Variants in NRIP1 observed in about 807,000 individuals in gnomAD.
The protein encoded by NRIP1 is nuclear receptor interacting protein 1.
In NRIP1, 28 loss-of-function variants were observed where a neutral mutation model predicts 75.0. The ratio of observed to expected loss-of-function variants is 0.37; its 90% CI spans 0.28 to 0.51. The LOEUF (loss-of-function observed/expected upper bound fraction) is 0.51, where lower values mean the gene tolerates loss of function less well. NRIP1 is among the 20% of genes least tolerant of loss of function. The pLI is 0.92. For missense variants in NRIP1, 1,435 were observed against 1,343.7 expected (o/e 1.07, Z -1.06); for synonymous variants, 526 against 487.6 (o/e 1.08, Z -1.04).
At chr21:15,041,046 C>A (rs75167231) in intron 2 of NRIP1, among the ~76,000 whole-genome samples, 1 of 152,030 alleles carries the variant, frequency 6.6e-6, no homozygotes, top group East Asian at 1.9e-4. Flanking sequence ...ACCAAAAGAC[C>A]CAAAAAAGTT....
chr21:14,979,849 T>C (rs185757319), intron 3 of NRIP1, among the ~76,000 whole-genome samples: 1 of 151,884 alleles, frequency 6.6e-6, no homozygotes, highest in Admixed American at 6.6e-5. Context: ...TGTGCCTGTA[T>C]ATATATATGC....
chr21:15,055,592 A>T (rs573244743), intron 1 of NRIP1, among the ~76,000 whole-genome samples: 1 of 152,348 alleles, frequency 6.6e-6, no homozygotes, highest in East Asian at 1.9e-4. Flanking sequence ...TTATTATTAT[A>T]GATCCCTTTG....
intron 2 of NRIP1, among the ~76,000 whole-genome samples, chr21:15,025,433 A>T (rs961607180): frequency 1.4e-4 from 21 of 152,212 alleles, no homozygotes; most frequent in African/African-American, 4.8e-4. Flanking sequence ...TGGGCACCAA[A>T]ATAAGTTACA....
intron 3 of NRIP1, among the ~76,000 whole-genome samples, chr21:14,975,425 C>A (rs1397421249): frequency 1.3e-5 from 2 of 151,504 alleles, no homozygotes; most frequent in Non-Finnish European, 1.5e-5. Flanking sequence ...TTTTTACATT[C>A]TTGAAAGATA....
chr21:14,990,228 T>C (rs1305757571), intron 3 of NRIP1, among the ~76,000 whole-genome samples: 3 of 152,136 alleles, frequency 2.0e-5, no homozygotes, highest in Non-Finnish European at 2.9e-5. Flanking sequence ...TCCTCTTACA[T>C]GGTTTATTTT....
chr21:15,040,110 G>A (rs746606299), intron 2 of NRIP1, among the ~76,000 whole-genome samples: 1 of 152,188 alleles, frequency 6.6e-6, no homozygotes. Flanking sequence ...CTAGACACAT[G>A]TGGCTACTGT....
rs11293384 is a variant in NRIP1 at position 14,973,678 on chromosome 21, A to ATTT, written c.-334-5155_-334-5153dup. On this transcript the variant is annotated intron_variant, in intron 3 of 3. Transcript: ENST00000318948. ...TCTTAAGTGAAAATCAGCTCGCATA[A>ATTT]TTTTTTTTTTTTTTTTGAGACAAGT... 1.7e-3 allele frequency among the ~76,000 whole-genome samples: 235 copies of ATTT among 142,120 alleles called. 2 individuals carry two copies. The highest frequency in any genetic ancestry group is 7.2e-3 in the East Asian group (35 of 4,856). The allele number at this position is 142,120 out of a possible 152,430, so 93.2% of individuals were successfully genotyped here.
intron 3 of NRIP1, among the ~76,000 whole-genome samples, chr21:15,012,543 T>A (rs559086240): frequency 5.4e-4 from 72 of 132,428 alleles, no homozygotes; most frequent in Non-Finnish European, 9.4e-4. Context: ...CAACCCCGAC[T>A]GCCGACTTAA....
chr21:15,036,993 C>A (rs764125841), intron 2 of NRIP1, among the ~76,000 whole-genome samples: 6 of 151,898 alleles, frequency 4.0e-5, no homozygotes, highest in Non-Finnish European at 7.4e-5. Context: ...TGATGAACAG[C>A]AAAGAATATT....
intron 2 of NRIP1, among the ~76,000 whole-genome samples, 182 bp downstream of exon 2, chr21:15,043,313 C>T (rs1371638453): frequency 6.6e-6 from 1 of 152,140 alleles, no homozygotes; most frequent in Non-Finnish European, 1.5e-5. Flanking sequence ...TATTCGCTTA[C>T]ACAAAATTTT....
intron 1 of NRIP1, chr21:15,051,759 CT>C (rs953378213): frequency 1.3e-5 from 2 of 152,202 alleles, no homozygotes; most frequent in African/African-American, 4.8e-5. Flanking sequence ...TAAAGGTGTG[CT>C]TTTTTAACCT....
At chr21:15,050,530 C>G in intron 1 of NRIP1, 1 of 339,742 alleles carries the variant, frequency 2.9e-6, no homozygotes, top group South Asian at 2.3e-5. Context: ...AAATGAGCTA[C>G]AATCCAGAAC....
intron 2 of NRIP1, among the ~76,000 whole-genome samples, chr21:15,038,202 C>G (rs1295141460): frequency 1.3e-5 from 2 of 151,928 alleles, no homozygotes; most frequent in African/African-American, 4.8e-5. Context: ...TATAATGTCC[C>G]CTTTGAATGT....
intron 1 of NRIP1, among the ~76,000 whole-genome samples, chr21:15,064,072 G>C (rs958893113): frequency 1.3e-5 from 2 of 152,240 alleles, no homozygotes; most frequent in African/African-American, 4.8e-5. Context: ...TCGTAATAAG[G>C]TGGACACAGA....
intron 1 of NRIP1, among the ~76,000 whole-genome samples, chr21:15,061,717 A>G (rs1446667857): frequency 1.3e-5 from 2 of 152,208 alleles, no homozygotes; most frequent in African/African-American, 4.8e-5. Flanking sequence ...CAGTTAGAAC[A>G]TGAGCTTTTG....
intron 1 of NRIP1, among the ~76,000 whole-genome samples, chr21:15,060,216 A>G (rs987046687): frequency 6.6e-6 from 1 of 152,148 alleles, no homozygotes; most frequent in Admixed American, 6.5e-5. Flanking sequence ...ACTCGTAGTA[A>G]AACAAAAGGA....
At position 14,966,398 on chromosome 21, in the gene NRIP1, A is replaced by C. The variant is rs776900199; in HGVS notation, c.1795T>G (p.Ser599Ala). The C allele has an allele frequency of 6.2e-7, 1 of 1,613,958 alleles. No homozygotes were observed. Among genetic ancestry groups the C allele is most frequent in the Non-Finnish European group, 8.5e-7 (1 of 1,179,952 alleles). The change falls in exon 4 of 4, where the codon TCA becomes GCA. Residue 599 changes from serine (S) to alanine (A), a missense_variant. Coordinates refer to ENST00000318948, the MANE Select transcript of NRIP1 (RefSeq NM_003489.4). Reference sequence around the variant, plus strand: ...TCTTTGCTTTTTGTAAGGTCCATTGAGTGGTTAGATGCAGTATTTGTTAGC... The same window carrying C: ...TCTTTGCTTTTTGTAAGGTCCATTGCGTGGTTAGATGCAGTATTTGTTAGC... ...EKLTNTASNH[S>A]MDLTKSKDPP...
intron 2 of NRIP1, among the ~76,000 whole-genome samples, chr21:15,022,347 A>G (rs892372270): frequency 2.0e-5 from 3 of 152,182 alleles, no homozygotes; most frequent in Admixed American, 2.0e-4. Context: ...GAATACATGG[A>G]CACATTTCTG....
At chr21:14,990,606 G>A (rs924587854) in intron 3 of NRIP1, among the ~76,000 whole-genome samples, 3 of 152,338 alleles carry the variant, frequency 2.0e-5, no homozygotes, top group Middle Eastern at 3.4e-3. Context: ...ACAGCCAAGA[G>A]GTAATGAAAT....
Sources: allele counts gnomAD v4.1 joint callset (sites outside exome capture counted in the v4.1 genomes callset), GRCh38; gene constraint gnomAD v4.1.1; transcripts MANE v1.5; gene names NCBI Gene and HGNC (gene_info 2026-07-23, HGNC 2026-07-21).